The following NECAB2 variants were observed in gnomAD, a reference collection of about 807,000 sequenced individuals.
The protein encoded by NECAB2 is N-terminal EF-hand calcium-binding protein 2.
In NECAB2, 68 loss-of-function variants were observed where a neutral mutation model predicts 51.9. The observed-to-expected ratio is 1.31, with a 90% CI of 1.08 to 1.60. The LOEUF (loss-of-function observed/expected upper bound fraction) is 1.60, where lower values mean the gene tolerates loss of function less well. Among genes scored for constraint, NECAB2 ranks in the 40% most tolerant of loss-of-function variants. The pLI is 0.00. For synonymous variants in NECAB2, 329 were observed against 203.5 expected (o/e 1.62, Z -5.25); for missense variants, 854 against 490.3 (o/e 1.74, Z -7.00).
intron 5 of NECAB2, among the ~76,000 whole-genome samples, chr16:83,988,732 C>G (rs1175698632): frequency 3.3e-5 from 5 of 152,272 alleles, no homozygotes; most frequent in East Asian, 1.9e-4. Context: ...CCCAGTTGTT[C>G]TACAAATGAG....
chr16:83,988,370 CATTATT>C (rs1222231369), intron 5 of NECAB2, among the ~76,000 whole-genome samples: 3 of 152,118 alleles, frequency 2.0e-5, no homozygotes, highest in Non-Finnish European at 4.4e-5. Flanking sequence ...TTAAAAAATA[CATTATT>C]ATTAAGATTC....
chr16:83,968,976 C>T, intron 1 of NECAB2, 127 bp downstream of exon 1: 1 of 489,466 alleles, frequency 2.0e-6, no homozygotes, highest in African/African-American at 2.1e-5. Context: ...AGACCCCCGG[C>T]CCCTCCGCGT....
intron 1 of NECAB2, among the ~76,000 whole-genome samples, chr16:83,969,230 C>T (rs1042056880): frequency 6.6e-6 from 1 of 152,068 alleles, no homozygotes; most frequent in Admixed American, 6.5e-5. Context: ...GCCTCCTCCT[C>T]TCCATCCCGG....
intron 6 of NECAB2, among the ~76,000 whole-genome samples, chr16:83,992,377 T>TCCCCACCC (rs1555548085): frequency 7.5e-5 from 10 of 133,116 alleles, no homozygotes; most frequent in South Asian, 2.4e-4. Flanking sequence ...CGAGCACCCG[T>TCCCCACCC]CCCCCCGCCC....
At chr16:83,978,073 G>A (rs2084436595) in intron 2 of NECAB2, among the ~76,000 whole-genome samples, 1 of 152,228 alleles carries the variant, frequency 6.6e-6, no homozygotes, top group South Asian at 2.1e-4. Flanking sequence ...GCAGGGGGCA[G>A]ATACTCTATA....
intron 2 of NECAB2, among the ~76,000 whole-genome samples, chr16:83,977,392 G>A (rs764928744): frequency 3.9e-5 from 6 of 152,174 alleles, no homozygotes; most frequent in Non-Finnish European, 7.4e-5. Flanking sequence ...GAGGGTGGAA[G>A]CTTAGGGACC....
chr16:84,002,586 G>A lies in NECAB2; in HGVS notation c.*240G>A. On this transcript the variant is annotated 3_prime_UTR_variant, in exon 13 of 13. Coordinates refer to ENST00000305202, the MANE Select transcript of NECAB2 (RefSeq NM_019065.3). ...AGGTTGAAGGGGGCGGCTTCCTGGA[G>A]CCAGCACCCCTGCCTCCTGGTCCTG... The A allele has an allele frequency of 5.1e-6, 3 of 590,802 alleles. No individual in the cohort carries two copies. The highest frequency in any genetic ancestry group is 3.0e-5 in the Admixed American group (1 of 33,768). The allele number at this position is 590,802 out of a possible 1,614,324, so 36.6% of individuals were successfully genotyped here.
In NECAB2 at chr16:83,998,037, TTTC is replaced by T. The variant is rs1481847520; in HGVS notation, c.850-165_850-163del. Among the ~76,000 whole-genome samples the T allele has an allele frequency of 2.0e-5, 3 of 152,212 alleles. No individual in the cohort carries two copies. In the East Asian group the frequency reaches 5.8e-4, roughly 29 times the overall value. ...CACTGGGCTCTTGAGGTTCTAGTCC[TTTC>T]TTAGCCCATTTTTAGTCCATTCTTA... On this transcript the variant is annotated intron_variant, in intron 9 of 12. Transcript: ENST00000305202.
chr16:83,988,167 C>A (rs560468646), intron 5 of NECAB2, among the ~76,000 whole-genome samples: 17 of 152,296 alleles, frequency 1.1e-4, no homozygotes, highest in African/African-American at 4.1e-4. Context: ...GGGACTTTGT[C>A]TTTATACAAG....
intron 7 of NECAB2, 59 bp downstream of exon 7, chr16:83,994,479 G>A (rs2084669212): frequency 5.6e-6 from 9 of 1,597,154 alleles, no homozygotes; most frequent in African/African-American, 1.3e-5. Context: ...GGAGTTCTGA[G>A]AGTCCTCTGA....
chr16:83,988,193 T>C (rs1311391741), intron 5 of NECAB2, among the ~76,000 whole-genome samples: 1 of 152,210 alleles, frequency 6.6e-6, no homozygotes, highest in Non-Finnish European at 1.5e-5. Flanking sequence ...TCGGGCCACC[T>C]TTTTTATTAT....
At chr16:83,965,858 G>T (rs199943564), upstream of NECAB2, 21 of 1,612,872 alleles carry the variant, frequency 1.3e-5, no homozygotes, top group Non-Finnish European at 1.7e-5. Flanking sequence ...CCCCATTGAC[G>T]TGGACCCCTT....
chr16:84,000,047 C>T (rs1567680534), intron 10 of NECAB2, among the ~76,000 whole-genome samples: 2 of 143,162 alleles, frequency 1.4e-5, no homozygotes, highest in Non-Finnish European at 1.5e-5. Context: ...CCACCAGGCC[C>T]AGCAAGTTTT....
chr16:83,997,850 A>C (rs12926485), intron 9 of NECAB2, among the ~76,000 whole-genome samples: 3 of 152,092 alleles, frequency 2.0e-5, no homozygotes, highest in Non-Finnish European at 4.4e-5. Flanking sequence ...GTGATCAGCC[A>C]GACAGTGATG....
At chr16:83,991,272 C>T (rs1033794718) in intron 6 of NECAB2, among the ~76,000 whole-genome samples, 1 of 151,976 alleles carries the variant, frequency 6.6e-6, no homozygotes, top group African/African-American at 2.4e-5. Flanking sequence ...TGTGAGCCAC[C>T]ACAGCTAGCC....
chr16:84,001,735 C>T, intron 11 of NECAB2, 90 bp from the exon 12 acceptor site: 2 of 1,397,210 alleles, frequency 1.4e-6, no homozygotes, highest in South Asian at 1.2e-5. Flanking sequence ...ATAAGCTCCC[C>T]ATTTTGGGCT....
rs550666637 is a variant in NECAB2, at chr16:83,990,188, A to G, written c.460-306A>G. ...GCCCTGTGCAGAGCATTGTACACGC[A>G]TGTTGCTGTTTAATCTTCGCTACAA... On this transcript the variant is annotated intron_variant, in intron 5 of 12. Coordinates refer to ENST00000305202, the MANE Select transcript of NECAB2 (RefSeq NM_019065.3). 3.3e-4 allele frequency among the ~76,000 whole-genome samples: 50 copies of G among 152,280 alleles called. 1 individual carries two copies. Among genetic ancestry groups the G allele is most frequent in the African/African-American group, 1.2e-3 (48 of 41,568 alleles).
chr16:83,991,183 A>T (rs1451455318), intron 6 of NECAB2, among the ~76,000 whole-genome samples: 1 of 151,758 alleles, frequency 6.6e-6, no homozygotes, highest in African/African-American at 2.4e-5. Flanking sequence ...GGGTTTTGTC[A>T]TGTTGGCCAG....
chr16:83,993,092 C>G (rs559611540), intron 6 of NECAB2, among the ~76,000 whole-genome samples: 3 of 152,062 alleles, frequency 2.0e-5, no homozygotes, highest in Non-Finnish European at 4.4e-5. Flanking sequence ...CCACACATGC[C>G]CCTCCCTCGA....
Sources: gnomAD v4.1 joint callset for allele counts (sites outside exome capture counted in the v4.1 genomes callset) on GRCh38, gnomAD v4.1.1 for gene constraint, MANE v1.5 for transcripts, NCBI Gene and HGNC (gene_info 2026-07-23, HGNC 2026-07-21) for gene names.